NPAS3: variants seen among roughly 807,000 people sequenced by gnomAD.
The protein encoded by NPAS3 is neuronal PAS domain-containing protein 3.
Under a neutral mutation model 73.1 loss-of-function variants are expected in NPAS3, and 14 were observed. The observed-to-expected ratio is 0.19, with a 90% CI of 0.13 to 0.30. The LOEUF (loss-of-function observed/expected upper bound fraction) is 0.30, where lower values mean the gene tolerates loss of function less well. NPAS3 is among the 10% of genes least tolerant of loss of function. The pLI, the probability that NPAS3 is intolerant of heterozygous loss-of-function variation, is 1.00. For synonymous variants in NPAS3, 620 were observed against 541.5 expected, an observed-to-expected ratio of 1.14 and a Z score of -2.01; for missense variants, 1,096 against 1,250.0, an observed-to-expected ratio of 0.88 and a Z score of 1.86.
chr14:33,198,921 G>A (rs911879002), intron 2 of NPAS3, among the ~76,000 whole-genome samples: 2 of 152,208 alleles, frequency 1.3e-5, no homozygotes, highest in Non-Finnish European at 2.9e-5. Flanking sequence ...TGAGCGCGGC[G>A]TGGATGGGCT....
intron 5 of NPAS3, among the ~76,000 whole-genome samples, chr14:33,590,545 T>C (rs2057027062): frequency 6.6e-6 from 1 of 152,174 alleles, no homozygotes; most frequent in Admixed American, 6.6e-5. Flanking sequence ...GTTTTGCTCA[T>C]CTAAGAGAGC....
chr14:33,633,986 A>T (rs970094311), intron 5 of NPAS3, among the ~76,000 whole-genome samples: 1 of 152,182 alleles, frequency 6.6e-6, no homozygotes, highest in Non-Finnish European at 1.5e-5. Context: ...TCAAAAAAAA[A>T]GAGAAAAGAA....
intron 2 of NPAS3, among the ~76,000 whole-genome samples, chr14:33,148,858 T>C (rs1466065760): frequency 2.6e-5 from 4 of 152,040 alleles, no homozygotes; most frequent in Admixed American, 2.0e-4. Context: ...CTGCTAATTT[T>C]AATTTTTTGG....
upstream of NPAS3, among the ~76,000 whole-genome samples, chr14:32,938,380 G>A: frequency 6.6e-6 from 1 of 151,792 alleles, no homozygotes; most frequent in East Asian, 2.0e-4. Context: ...CAATACTCCA[G>A]AGAAGGGAAG....
intron 4 of NPAS3, among the ~76,000 whole-genome samples, chr14:33,493,889 GA>G (rs1275282430): frequency 6.6e-6 from 1 of 152,102 alleles, no homozygotes; most frequent in East Asian, 1.9e-4. Flanking sequence ...CTTTAGCGGG[GA>G]TTGTTGCCAT....
At chr14:33,735,314 C>G in exon 7 of NPAS3, 1 of 1,612,720 alleles carries the variant, frequency 6.2e-7, no homozygotes, top group Non-Finnish European at 8.5e-7. Context: ...GTGTGCACAT[C>G]AAATCATCAG....
At chr14:33,315,084 A>C (rs2043154281) in intron 3 of NPAS3, among the ~76,000 whole-genome samples, 1 of 152,076 alleles carries the variant, frequency 6.6e-6, no homozygotes, top group African/African-American at 2.4e-5. Context: ...AACAGAGATG[A>C]GAGTGGGCAG....
chr14:33,655,853 T>C (rs559584131), intron 5 of NPAS3, among the ~76,000 whole-genome samples: 5 of 152,224 alleles, frequency 3.3e-5, no homozygotes, highest in African/African-American at 1.2e-4. Context: ...AACCACAAAG[T>C]TGGGTAAAAG....
intron 2 of NPAS3, among the ~76,000 whole-genome samples, chr14:33,115,136 A>G (rs2043018799): frequency 6.6e-6 from 1 of 152,174 alleles, no homozygotes; most frequent in Non-Finnish European, 1.5e-5. Context: ...TGCTTTAAGC[A>G]TAGTAAGGAA....
intron 3 of NPAS3, among the ~76,000 whole-genome samples, chr14:33,300,773 T>G (rs72678870): frequency 0.22 from 34,122 of 151,906 alleles, 4,557 homozygotes; most frequent in Middle Eastern, 0.34. Flanking sequence ...GGATCCCCCA[T>G]GGAGGGGAGC....
chr14:33,789,582 A>G (rs1486498617), intron 9 of NPAS3, among the ~76,000 whole-genome samples: 1 of 89,216 alleles, frequency 1.1e-5, no homozygotes, highest in Non-Finnish European at 2.2e-5. Flanking sequence ...CTAGAGTACA[A>G]CTTTTTTTTT....
intron 1 of NPAS3, among the ~76,000 whole-genome samples, chr14:32,982,256 A>T (rs1013917468): frequency 1.3e-5 from 2 of 152,210 alleles, no homozygotes; most frequent in Admixed American, 1.3e-4. Context: ...AATAATCAGC[A>T]TTAATCCATT....
intron 3 of NPAS3, among the ~76,000 whole-genome samples, chr14:33,286,418 G>C (rs943488030): frequency 2.0e-5 from 3 of 152,086 alleles, no homozygotes; most frequent in African/African-American, 7.2e-5. Flanking sequence ...AATCATAGTT[G>C]TTTTAAAAAA....
At chr14:32,971,958 G>A (rs76781220) in intron 1 of NPAS3, among the ~76,000 whole-genome samples, 1 of 23,824 alleles carries the variant, frequency 4.2e-5, no homozygotes, top group Non-Finnish European at 8.3e-5. Flanking sequence ...TTTTTTTTTT[G>A]AGATGGAGTC....
chr14:33,389,597 T>G (rs1275398602), intron 4 of NPAS3, among the ~76,000 whole-genome samples: 2 of 152,206 alleles, frequency 1.3e-5, no homozygotes, highest in African/African-American at 4.8e-5. Flanking sequence ...CGGGGGCTGT[T>G]GCTTGAGGTT....
chr14:32,972,224 C>T (rs934573244), intron 1 of NPAS3, among the ~76,000 whole-genome samples: 13 of 152,246 alleles, frequency 8.5e-5, no homozygotes, highest in East Asian at 1.9e-4. Flanking sequence ...AGGCGTGAGC[C>T]ACCGCGCCTG....
chr14:33,374,848 C>A lies in NPAS3; in HGVS notation c.468+7580C>A, dbSNP rs541286709. ...ATACCTAAAACAGCTCAAAAGCTAA[C>A]ACAAAGATACAAATTATCATTTATT... On this transcript the variant is annotated intron_variant, in intron 4 of 11. Coordinates refer to ENST00000356141, the Ensembl canonical transcript of NPAS3. Among the ~76,000 whole-genome samples, 11 of 152,154 alleles carry A rather than the reference C, an allele frequency of 7.2e-5. No individual in the cohort carries two copies. In the South Asian group the frequency reaches 1.0e-3, roughly 14 times the overall value.
At chr14:33,762,829 T>G (rs138016974) in intron 7 of NPAS3, among the ~76,000 whole-genome samples, 1,561 of 152,314 alleles carry the variant, frequency 0.01, 33 homozygotes, top group African/African-American at 0.036. Flanking sequence ...ATGAGTGTTT[T>G]GAATTGCATA....
intron 3 of NPAS3, among the ~76,000 whole-genome samples, chr14:33,364,003 A>G (rs997978133): frequency 6.6e-6 from 1 of 151,826 alleles, no homozygotes; most frequent in African/African-American, 2.4e-5. Flanking sequence ...TTCAGAAAAT[A>G]GTCTTTTAGT....
Sources: gnomAD v4.1 joint callset for allele counts (sites outside exome capture counted in the v4.1 genomes callset) on GRCh38, gnomAD v4.1.1 for gene constraint, MANE v1.5 for transcripts, NCBI Gene and HGNC (gene_info 2026-07-23, HGNC 2026-07-21) for gene names.